PLA2G4A: variants seen among roughly 807,000 people sequenced by gnomAD.
PLA2G4A encodes the protein phospholipase A2 group IVA, also known as cytosolic phospholipase A2.
A neutral mutation model predicts 81.9 loss-of-function variants in PLA2G4A; 40 were observed. The observed-to-expected ratio is 0.49, with a 90% CI of 0.38 to 0.64. The LOEUF is 0.64. Among genes scored for constraint, PLA2G4A ranks in the 30% least tolerant of loss-of-function variants. The pLI is 0.00. For synonymous variants in PLA2G4A, 302 were observed against 296.9 expected (o/e 1.02, Z -0.18); for missense variants, 715 against 905.1 (o/e 0.79, Z 2.69).
Position 186,977,922 on chromosome 1 carries a change from A to G in PLA2G4A, c.1960+134A>G, listed in dbSNP as rs368410966. 62 of 711,844 alleles carry G rather than the reference A, an allele frequency of 8.7e-5. 1 individual carries two copies. The highest frequency in any genetic ancestry group is 6.0e-4 in the South Asian group (39 of 65,070). The allele number at this position is 711,844 out of a possible 1,614,324, so 44.1% of individuals were successfully genotyped here. On this transcript the variant is annotated intron_variant, in intron 16 of 17. Transcript: ENST00000367466. ...ATGCTTCCCTTACCTTGATAAATAG[A>G]TACTATTCTGAGACCTCAAGTACTT...
At chr1:186,962,675 C>T (rs1457728654) in intron 14 of PLA2G4A, among the ~76,000 whole-genome samples, 3 of 152,082 alleles carry the variant, frequency 2.0e-5, no homozygotes, top group Admixed American at 6.5e-5. Flanking sequence ...CGCCCGCCAC[C>T]GCGCCCGGCT....
chr1:186,897,324 C>T (rs556791903), intron 5 of PLA2G4A, among the ~76,000 whole-genome samples: 2 of 151,950 alleles, frequency 1.3e-5, no homozygotes, highest in East Asian at 3.9e-4. Flanking sequence ...GAGAATGGAC[C>T]CTCGTTTTGT....
At chr1:186,947,213 T>G (rs1656378085) in intron 12 of PLA2G4A, among the ~76,000 whole-genome samples, 1 of 152,134 alleles carries the variant, frequency 6.6e-6, no homozygotes, top group Admixed American at 6.6e-5. Flanking sequence ...CACATCTCTA[T>G]TCCTTTTTCG....
chr1:186,912,937 T>A (rs1655015391), intron 7 of PLA2G4A, among the ~76,000 whole-genome samples: 2 of 150,172 alleles, frequency 1.3e-5, no homozygotes, highest in South Asian at 4.2e-4. Context: ...ATAAAAGGAT[T>A]AAAATTACTT....
At chr1:186,843,818 T>C (rs1652073340) in intron 1 of PLA2G4A, among the ~76,000 whole-genome samples, 1 of 152,238 alleles carries the variant, frequency 6.6e-6, no homozygotes, top group South Asian at 2.1e-4. Flanking sequence ...TTTCACGTTT[T>C]CAAATGTCAG....
At chr1:186,956,910 G>A (rs921590369) in intron 14 of PLA2G4A, among the ~76,000 whole-genome samples, 7 of 152,042 alleles carry the variant, frequency 4.6e-5, no homozygotes, top group South Asian at 2.1e-4. Flanking sequence ...GAGGACGGCC[G>A]GGGAGCAGTG....
intron 12 of PLA2G4A, among the ~76,000 whole-genome samples, chr1:186,948,508 A>G (rs954676249): frequency 1.5e-5 from 2 of 129,970 alleles, no homozygotes; most frequent in African/African-American, 5.3e-5. Flanking sequence ...AGTTATGTGA[A>G]GATTTTAGAA....
intron 10 of PLA2G4A, among the ~76,000 whole-genome samples, chr1:186,940,948 T>C (rs1025782711): frequency 1.3e-5 from 2 of 152,014 alleles, no homozygotes; most frequent in Non-Finnish European, 1.5e-5. Context: ...GAGTGAACAC[T>C]TGTTTCTTCT....
At chr1:186,954,967 A>T (rs1656695947) in intron 13 of PLA2G4A, among the ~76,000 whole-genome samples, 1 of 152,216 alleles carries the variant, frequency 6.6e-6, no homozygotes, top group Admixed American at 6.5e-5. Context: ...GCACAAACAC[A>T]GTTAATTCTC....
intron 14 of PLA2G4A, among the ~76,000 whole-genome samples, chr1:186,958,237 T>C (rs6683363): frequency 0.96 from 145,859 of 152,284 alleles, 69,900 homozygotes; most frequent in East Asian, 1. Context: ...GGATTCACTA[T>C]GTTATATAGC....
Position 186,913,205 on chromosome 1 carries a change from A to G in PLA2G4A, c.558+1816A>G, listed in dbSNP as rs1289810163. 2.6e-5 allele frequency among the ~76,000 whole-genome samples: 4 copies of G among 151,962 alleles called. No homozygotes were observed. The South Asian group carries it at 6.2e-4, about 24-fold the overall frequency. On this transcript the variant is annotated intron_variant, in intron 7 of 17. Transcript: ENST00000367466. ...TATATTTCTCTATAATTAGGATTAT[A>G]AAAATCATTAAGTTGAAGAAATGAT...
intron 8 of PLA2G4A, among the ~76,000 whole-genome samples, chr1:186,937,669 A>G (rs112943560): frequency 2.6e-5 from 4 of 151,914 alleles, no homozygotes; most frequent in African/African-American, 9.6e-5. Flanking sequence ...ATAAGGAATT[A>G]TAATTTATTG....
chr1:186,946,680 T>C lies in PLA2G4A; in HGVS notation c.1077T>C (p.Tyr359=), dbSNP rs764385879. The stretch of plus-strand genomic sequence containing the variant: ...CATACGAAATTGGCATGGCTAAATA[T>C]GGTACTTTTATGGCTCCCGACTTAT... ...FSPYEIGMAK[Y]GTFMAPDLFG... Residue 359 remains tyrosine, a synonymous_variant, in exon 11 of 18, where the codon TAT becomes TAC. Transcript: ENST00000367466. The C allele has an allele frequency of 7.4e-6, 12 of 1,611,196 alleles. No individual in the cohort carries two copies. Among genetic ancestry groups the C allele is most frequent in the Non-Finnish European group, 1.0e-5 (12 of 1,177,502 alleles).
chr1:186,898,128 G>A (rs1483284925), intron 5 of PLA2G4A, among the ~76,000 whole-genome samples: 2 of 151,924 alleles, frequency 1.3e-5, no homozygotes, highest in Non-Finnish European at 2.9e-5. Flanking sequence ...GAAGCTAAAT[G>A]ATAATAATGC....
chr1:186,956,818 T>A (rs1362704078), intron 14 of PLA2G4A, among the ~76,000 whole-genome samples: 1 of 151,724 alleles, frequency 6.6e-6, no homozygotes, highest in Non-Finnish European at 1.5e-5. Flanking sequence ...CTGGCCTGGA[T>A]TTTTTTTTAA....
chr1:186,930,907 A>G (rs1363601619), intron 7 of PLA2G4A, among the ~76,000 whole-genome samples: 1 of 152,180 alleles, frequency 6.6e-6, no homozygotes, highest in African/African-American at 2.4e-5. Flanking sequence ...AACTGAGCAC[A>G]TAGCAATGTT....
At chr1:186,872,509 TC>T (rs776201559) in intron 3 of PLA2G4A, among the ~76,000 whole-genome samples, 1 of 151,858 alleles carries the variant, frequency 6.6e-6, no homozygotes, top group Admixed American at 6.6e-5. Flanking sequence ...GCAGCAGCAA[TC>T]CCCCCACCCC....
intron 1 of PLA2G4A, among the ~76,000 whole-genome samples, chr1:186,831,326 A>G (rs1469974454): frequency 1.3e-5 from 2 of 152,176 alleles, no homozygotes; most frequent in African/African-American, 2.4e-5. Context: ...TAGCACCCAC[A>G]TAGTCATTTA....
intron 17 of PLA2G4A, among the ~76,000 whole-genome samples, chr1:186,983,083 C>CAAAA (rs542890862): frequency 2.0e-5 from 2 of 99,022 alleles, no homozygotes; most frequent in Non-Finnish European, 4.5e-5. Context: ...GAGTCTGTCT[C>CAAAA]AAAAAAAAAA....
Sources: allele counts gnomAD v4.1 joint callset (sites outside exome capture counted in the v4.1 genomes callset), GRCh38; gene constraint gnomAD v4.1.1; transcripts MANE v1.5; gene names NCBI Gene and HGNC (gene_info 2026-07-23, HGNC 2026-07-21).